Variants in BCAR3 observed in about 807,000 individuals in gnomAD.
The protein encoded by BCAR3 is BCAR3 adaptor protein, NSP family member.
In BCAR3, 37 loss-of-function variants were observed where a neutral mutation model predicts 80.1. The ratio of observed to expected loss-of-function variants is 0.46; its 90% CI spans 0.36 to 0.61. The LOEUF is 0.61. BCAR3 is among the 20% of genes least tolerant of loss of function. The pLI, the probability that BCAR3 is intolerant of heterozygous loss-of-function variation, is 0.00. For synonymous variants in BCAR3, 389 were observed against 418.9 expected (o/e 0.93, Z 0.87); for missense variants, 978 against 1,068.2 (o/e 0.92, Z 1.18).
At chr1:93,789,230 C>A (rs1171513785) in intron 2 of BCAR3, among the ~76,000 whole-genome samples, 1 of 152,212 alleles carries the variant, frequency 6.6e-6, no homozygotes, top group African/African-American at 2.4e-5. Context: ...CCCTCCTCAG[C>A]CTCCCAAAGT....
Position 93,586,357 on chromosome 1 carries a change from A to C in BCAR3, c.930-2236T>G, listed in dbSNP as rs11579685. On this transcript the variant is annotated intron_variant, in intron 5 of 11. Coordinates refer to ENST00000260502, the MANE Select transcript of BCAR3 (RefSeq NM_003567.4). The surrounding 1 kb of genome is among the most constrained non-coding windows in gnomAD (Gnocchi z 4.2). ...ACTTAACATAATGATCTCCAATTCC[A>C]TCCACGTGGTTGCAAATAACAGGAT... Among the ~76,000 whole-genome samples the C allele has an allele frequency of 0.16, 24,969 of 152,170 alleles. 2,253 individuals carry two copies. Among genetic ancestry groups the C allele is most frequent in the Middle Eastern group, 0.2 (59 of 294 alleles).
At chr1:93,573,091 CTG>C (rs1673285075) in intron 8 of BCAR3, among the ~76,000 whole-genome samples, 1 of 152,096 alleles carries the variant, frequency 6.6e-6, no homozygotes, top group African/African-American at 2.4e-5. Context: ...GAAGGAGAGA[CTG>C]TGTATAGGTG....
rs1418411971 is a variant in BCAR3 at position 93,574,519 on chromosome 1, T to A, written c.1802+1495A>T. Among the ~76,000 whole-genome samples, 4 of 152,086 alleles carry A rather than the reference T, an allele frequency of 2.6e-5. No individual in the cohort carries two copies. The South Asian group carries it at 6.2e-4, about 24-fold the overall frequency. On this transcript the variant is annotated intron_variant, in intron 8 of 11. Coordinates refer to ENST00000260502, the MANE Select transcript of BCAR3 (RefSeq NM_003567.4). Reference sequence around the variant, plus strand: ...CAGTCAGGAGAAAAGACAAATGAAGTGGAAAGTCAGAAAACAGCCAAGAGA... The same window carrying A: ...CAGTCAGGAGAAAAGACAAATGAAGAGGAAAGTCAGAAAACAGCCAAGAGA...
intron 8 of BCAR3, 79 bp downstream of exon 8, chr1:93,575,935 C>G (rs1382336668): frequency 3.9e-6 from 5 of 1,292,600 alleles, no homozygotes; most frequent in Non-Finnish European, 5.6e-6. Flanking sequence ...TGCTGCGCCT[C>G]TCTTTGTTCT....
At chr1:93,700,951 C>T (rs537481518) in intron 3 of BCAR3, among the ~76,000 whole-genome samples, 5 of 152,336 alleles carry the variant, frequency 3.3e-5, no homozygotes, top group Admixed American at 6.5e-5. Flanking sequence ...GCACCCTCAG[C>T]GGACCTCACC....
At chr1:93,619,844 C>T (rs546189776) in intron 3 of BCAR3, among the ~76,000 whole-genome samples, 1 of 152,322 alleles carries the variant, frequency 6.6e-6, no homozygotes, top group East Asian at 1.9e-4. Context: ...CTGTAACACA[C>T]CCTGGAGGTA....
At chr1:93,587,124 C>A (rs1434862445) in intron 5 of BCAR3, among the ~76,000 whole-genome samples, 1 of 152,172 alleles carries the variant, frequency 6.6e-6, no homozygotes, top group African/African-American at 2.4e-5. Context: ...AAGAGCAAAT[C>A]TTTTGCCCAT....
At chr1:93,713,646 T>C (rs1041898356) in intron 2 of BCAR3, among the ~76,000 whole-genome samples, 4 of 152,110 alleles carry the variant, frequency 2.6e-5, no homozygotes, top group African/African-American at 9.7e-5. Flanking sequence ...GCATAGAGCT[T>C]CCCCCTTCAA....
intron 2 of BCAR3, among the ~76,000 whole-genome samples, chr1:93,768,082 T>C (rs1322454686): frequency 6.6e-6 from 1 of 152,102 alleles, no homozygotes; most frequent in Non-Finnish European, 1.5e-5. Context: ...TTGGTGAAAA[T>C]CAATGTGACG....
intron 5 of BCAR3, among the ~76,000 whole-genome samples, chr1:93,588,236 A>G (rs905780530): frequency 2.6e-5 from 4 of 152,044 alleles, no homozygotes; most frequent in Admixed American, 6.6e-5. Flanking sequence ...TATCCTCCAA[A>G]GTCCCCTCCC....
chr1:93,822,598 TA>T (rs1401623348), intron 2 of BCAR3, among the ~76,000 whole-genome samples: 4 of 152,002 alleles, frequency 2.6e-5, no homozygotes, highest in African/African-American at 9.7e-5. Context: ...CTCGGCCTCC[TA>T]AAGTGCTGGG....
chr1:93,806,320 T>C (rs1653651852), intron 2 of BCAR3, among the ~76,000 whole-genome samples: 1 of 152,210 alleles, frequency 6.6e-6, no homozygotes, highest in Admixed American at 6.5e-5. Context: ...AATATTCTCT[T>C]CATAGGAGAG....
chr1:93,589,783 G>A (rs1008898882), intron 4 of BCAR3, among the ~76,000 whole-genome samples: 1 of 152,200 alleles, frequency 6.6e-6, no homozygotes, highest in Non-Finnish European at 1.5e-5. Context: ...AGTAAACCAG[G>A]AAAGGAGGCA....
chr1:93,644,226 A>G (rs1287016609), intron 2 of BCAR3, among the ~76,000 whole-genome samples: 4 of 152,234 alleles, frequency 2.6e-5, no homozygotes, highest in Admixed American at 1.3e-4. Context: ...ATCCTAAAGA[A>G]ATTAACTAAA....
intron 2 of BCAR3, among the ~76,000 whole-genome samples, chr1:93,750,327 G>C (rs372312013): frequency 6.6e-6 from 1 of 152,182 alleles, no homozygotes; most frequent in Non-Finnish European, 1.5e-5. Flanking sequence ...CAGCCTTTCC[G>C]AGGCTGTTTC....
intron 7 of BCAR3, among the ~76,000 whole-genome samples, chr1:93,578,716 C>T (rs1175968227): frequency 6.6e-6 from 1 of 152,198 alleles, no homozygotes; most frequent in Non-Finnish European, 1.5e-5. Flanking sequence ...TCCTGCATCA[C>T]TGTCCCTCCC....
At chr1:93,625,378 C>T (rs1675426573) in intron 3 of BCAR3, among the ~76,000 whole-genome samples, 2 of 152,114 alleles carry the variant, frequency 1.3e-5, no homozygotes, top group Admixed American at 1.3e-4. Context: ...TCAAGGCTTT[C>T]ATGTAGAGAC....
chr1:93,603,417 T>C (rs1381043855), intron 3 of BCAR3, among the ~76,000 whole-genome samples: 2 of 152,178 alleles, frequency 1.3e-5, no homozygotes, highest in African/African-American at 4.8e-5. Flanking sequence ...TCTTATTCAC[T>C]CAAGAGGCAC....
At chr1:93,846,356 C>T (rs778033235) in intron 1 of BCAR3, among the ~76,000 whole-genome samples, 2 of 152,220 alleles carry the variant, frequency 1.3e-5, no homozygotes, top group Non-Finnish European at 2.9e-5. Context: ...AGCGGCCGCC[C>T]TGCGAATCCT....
Sources: gnomAD v4.1 joint callset for allele counts (sites outside exome capture counted in the v4.1 genomes callset) on GRCh38, gnomAD v4.1.1 for gene constraint, Gnocchi (gnomAD v3.1) non-coding constraint, MANE v1.5 for transcripts, NCBI Gene and HGNC (gene_info 2026-07-23, HGNC 2026-07-21) for gene names.